The following PTN variants were observed in gnomAD, a reference collection of about 807,000 sequenced individuals.
The protein encoded by PTN is pleiotrophin.
PTN carries 18 observed loss-of-function variants against 24.1 expected under a neutral mutation model. The observed-to-expected ratio is 0.75, with a 90% CI of 0.52 to 1.11. PTN has a LOEUF of 1.11. PTN is among the 50% of genes least tolerant of loss of function. The pLI is 0.00. For synonymous variants in PTN, 78 were observed against 68.6 expected, an observed-to-expected ratio of 1.14 and a Z score of -0.67; for missense variants, 163 against 198.8, an observed-to-expected ratio of 0.82 and a Z score of 1.08.
intron 1 of PTN, among the ~76,000 whole-genome samples, chr7:137,324,433 A>AAAAAAAAAATATATATAT: frequency 1.1e-5 from 1 of 88,762 alleles, no homozygotes; most frequent in African/African-American, 6.9e-5. Flanking sequence ...AAAAAAAAAA[A>AAAAAAAAAATATATATAT]ATATATATAT....
At chr7:137,333,662 G>A (rs569841920) in intron 1 of PTN, among the ~76,000 whole-genome samples, 2 of 152,216 alleles carry the variant, frequency 1.3e-5, no homozygotes, top group South Asian at 4.2e-4. Context: ...TATTAAGAAT[G>A]ACTTTCTTCA....
intron 1 of PTN, among the ~76,000 whole-genome samples, chr7:137,322,227 C>T (rs1466520408): frequency 1.3e-5 from 2 of 152,156 alleles, no homozygotes; most frequent in Admixed American, 6.5e-5. Flanking sequence ...TACTCCTGTG[C>T]TATCAGGGCT....
chr7:137,334,885 C>A (rs1344971355), intron 1 of PTN, among the ~76,000 whole-genome samples: 1 of 151,764 alleles, frequency 6.6e-6, no homozygotes, highest in African/African-American at 2.4e-5. Flanking sequence ...GAGTTCATGT[C>A]CTTTGTAGGG....
intron 1 of PTN, among the ~76,000 whole-genome samples, chr7:137,266,381 A>G (rs1452076379): frequency 6.6e-6 from 1 of 152,150 alleles, no homozygotes; most frequent in Admixed American, 6.5e-5. Flanking sequence ...CTTTCCTTAT[A>G]CACCTTGCAC....
At position 137,251,297 on chromosome 7, in the gene PTN, A is replaced by G; in HGVS notation, c.384T>C (p.Asn128=). 1 of 1,614,094 alleles carries G rather than the reference A, an allele frequency of 6.2e-7. No individual in the cohort carries two copies. The highest frequency in any genetic ancestry group is 8.5e-7 in the Non-Finnish European group (1 of 1,180,012). ...RTGSLKRALH[N]AECQKTVTIS... The stretch of plus-strand genomic sequence containing the variant: ...TGGTGACAGTCTTCTGGCATTCGGC[A>G]TTGTGCAGGGCTCGCTTCAGACTTC... The change falls in exon 4 of 5, where the codon AAT becomes AAC. Residue 128 remains asparagine (N), a synonymous_variant. Coordinates refer to ENST00000348225, the MANE Select transcript of PTN (RefSeq NM_002825.7).
At chr7:137,329,087 T>TAAA (rs1810308280) in intron 1 of PTN, among the ~76,000 whole-genome samples, 1 of 152,162 alleles carries the variant, frequency 6.6e-6, no homozygotes, top group East Asian at 1.9e-4. Context: ...GACAAGTTAC[T>TAAA]TCTGAGATAC....
chr7:137,331,174 C>G (rs1286120129), intron 1 of PTN, among the ~76,000 whole-genome samples: 1 of 126,240 alleles, frequency 7.9e-6, no homozygotes, highest in East Asian at 2.5e-4. Context: ...CATTAGAAAC[C>G]CACAGAGCCT....
chr7:137,333,535 C>G (rs903112117), intron 1 of PTN, among the ~76,000 whole-genome samples: 1 of 152,136 alleles, frequency 6.6e-6, no homozygotes, highest in African/African-American at 2.4e-5. Flanking sequence ...TGGATGATTC[C>G]TGGTCTAGTT....
chr7:137,261,775 G>C (rs1274477737), intron 1 of PTN, among the ~76,000 whole-genome samples: 1 of 152,162 alleles, frequency 6.6e-6, no homozygotes, highest in Non-Finnish European at 1.5e-5. Flanking sequence ...GTATAATCTA[G>C]TGCTAACAAC....
At chr7:137,327,730 C>G (rs555284493) in intron 1 of PTN, among the ~76,000 whole-genome samples, 17 of 152,274 alleles carry the variant, frequency 1.1e-4, no homozygotes, top group Middle Eastern at 3.4e-3. Flanking sequence ...CACTAAACCA[C>G]TCTTTTATCA....
At chr7:137,255,757 A>C (rs182979363) in intron 1 of PTN, among the ~76,000 whole-genome samples, 256 of 152,284 alleles carry the variant, frequency 1.7e-3, no homozygotes, top group Non-Finnish European at 2.6e-3. Flanking sequence ...ACTTGAAGCC[A>C]CCTGTGACAG....
chr7:137,280,691 T>TAACA (rs760779128), intron 1 of PTN, among the ~76,000 whole-genome samples: 175 of 14,726 alleles, frequency 0.012, 14 homozygotes, highest in African/African-American at 0.024. Context: ...CCGTCTCTAC[T>TAACA]AAAAATACAA....
chr7:137,292,292 A>G (rs1159487688), intron 1 of PTN, among the ~76,000 whole-genome samples: 2 of 152,112 alleles, frequency 1.3e-5, no homozygotes, highest in Non-Finnish European at 2.9e-5. Context: ...TATAATACTG[A>G]TAGGATTTGG....
intron 1 of PTN, among the ~76,000 whole-genome samples, chr7:137,286,246 G>T (rs1196600822): frequency 6.6e-6 from 1 of 152,152 alleles, no homozygotes; most frequent in Non-Finnish European, 1.5e-5. Flanking sequence ...TCAGCAATAT[G>T]GGAAAGTATT....
chr7:137,228,387 G>T (rs913898992), intron 4 of PTN, among the ~76,000 whole-genome samples: 1 of 151,748 alleles, frequency 6.6e-6, no homozygotes, highest in Non-Finnish European at 1.5e-5. Context: ...TGATAGGCAA[G>T]ATATTGACTT....
At chr7:137,318,203 G>A (rs1003806031) in intron 1 of PTN, among the ~76,000 whole-genome samples, 44 of 152,342 alleles carry the variant, frequency 2.9e-4, no homozygotes, top group African/African-American at 1.0e-3. Context: ...AGGTGGCAGA[G>A]GTTGCAGTGT....
chr7:137,278,306 C>CAAAAAAAAAAAAA (rs71176391), intron 1 of PTN, among the ~76,000 whole-genome samples: 15 of 62,850 alleles, frequency 2.4e-4, no homozygotes, highest in Admixed American at 7.0e-4. Flanking sequence ...GACTCCGTCT[C>CAAAAAAAAAAAAA]AAAAAAAAAA....
intron 4 of PTN, among the ~76,000 whole-genome samples, chr7:137,236,997 A>G (rs1808533744): frequency 6.6e-6 from 1 of 152,168 alleles, no homozygotes; most frequent in South Asian, 2.1e-4. Flanking sequence ...TCATTACCAA[A>G]TAAATCTTTC....
chr7:137,342,576 G>GGT (rs1193860837), intron 1 of PTN, among the ~76,000 whole-genome samples: 1 of 151,826 alleles, frequency 6.6e-6, no homozygotes, highest in East Asian at 1.9e-4. Context: ...TGGAGAAAGG[G>GGT]GTGTGTGTGT....
Sources: allele counts gnomAD v4.1 joint callset (sites outside exome capture counted in the v4.1 genomes callset), GRCh38; gene constraint gnomAD v4.1.1; transcripts MANE v1.5; gene names NCBI Gene and HGNC (gene_info 2026-07-23, HGNC 2026-07-21).